The following HOMER2 variants were observed in gnomAD, a reference collection of about 807,000 sequenced individuals.
The protein encoded by HOMER2 is homer protein homolog 2.
HOMER2 carries 27 observed loss-of-function variants against 47.0 expected under a neutral mutation model. The observed-to-expected ratio is 0.57, with a 90% confidence interval of 0.42 to 0.79. The LOEUF (loss-of-function observed/expected upper bound fraction) is 0.79. HOMER2 is among the 30% of genes least tolerant of loss of function. The pLI, the probability that HOMER2 is intolerant of heterozygous loss-of-function variation, is 0.00. For synonymous variants in HOMER2, 161 were observed against 163.8 expected, an observed-to-expected ratio of 0.98 and a Z score of 0.13; for missense variants, 443 against 435.0, an observed-to-expected ratio of 1.02 and a Z score of -0.16.
At chr15:82,897,848 C>G (rs1013634375) in intron 1 of HOMER2, among the ~76,000 whole-genome samples, 15 of 152,314 alleles carry the variant, frequency 9.8e-5, no homozygotes, top group Admixed American at 9.8e-4. Flanking sequence ...GATGAGACTC[C>G]AACCCTGGTC....
chr15:82,933,128 A>T lies in HOMER2; in HGVS notation c.5+19403T>A, dbSNP rs75820438. Among the ~76,000 whole-genome samples, 338 of 140,596 alleles carry T rather than the reference A, an allele frequency of 2.4e-3. 9 individuals are homozygous for T. In the South Asian group the frequency reaches 0.069, roughly 29 times the overall value. 92.2% of individuals were successfully genotyped at this position (140,596 alleles called of 152,430 possible). ...TCAAGGACCCCTTTGAAAATCTGAT[A>T]AAAAAAAAAAAAACTATGGACACCC... On this transcript the variant is annotated intron_variant, in intron 1 of 8. Coordinates refer to ENST00000450735, the MANE Select transcript of HOMER2 (RefSeq NM_004839.4).
At chr15:82,862,077 T>C (rs1186833877) in intron 4 of HOMER2, among the ~76,000 whole-genome samples, 1 of 151,874 alleles carries the variant, frequency 6.6e-6, no homozygotes, top group Non-Finnish European at 1.5e-5. Context: ...TCTCTTTTTT[T>C]TTTTTTAATA....
At chr15:82,906,510 G>A (rs2053290953) in intron 1 of HOMER2, among the ~76,000 whole-genome samples, 1 of 150,504 alleles carries the variant, frequency 6.6e-6, no homozygotes, top group South Asian at 2.1e-4. Context: ...TCGGCTCACT[G>A]CAACCTCCGC....
chr15:82,862,154 C>T (rs2151629815), intron 4 of HOMER2, among the ~76,000 whole-genome samples: 1 of 151,676 alleles, frequency 6.6e-6, no homozygotes, highest in Non-Finnish European at 1.5e-5. Flanking sequence ...CCACTGGCCT[C>T]GGCTTCCCAA....
At chr15:82,869,585 G>A (rs1378437298) in intron 3 of HOMER2, among the ~76,000 whole-genome samples, 1 of 146,528 alleles carries the variant, frequency 6.8e-6, no homozygotes, top group African/African-American at 2.5e-5. Context: ...AGCCTCCCAA[G>A]TAGCTGGGAT....
chr15:82,865,029 A>G (rs1744033708), intron 3 of HOMER2, among the ~76,000 whole-genome samples: 1 of 152,248 alleles, frequency 6.6e-6, no homozygotes, highest in African/African-American at 2.4e-5. Context: ...ATTTCTGAGC[A>G]CAGGCTATCC....
intron 1 of HOMER2, among the ~76,000 whole-genome samples, chr15:82,973,248 T>C (rs1329233954): frequency 6.6e-6 from 1 of 152,196 alleles, no homozygotes; most frequent in Non-Finnish European, 1.5e-5. Context: ...GTCTCAGAAA[T>C]ATGCCTCAAA....
chr15:82,892,916 C>G (rs2052764562), intron 1 of HOMER2, 75 bp from the exon 2 acceptor site: 1 of 1,209,364 alleles, frequency 8.3e-7, no homozygotes, highest in African/African-American at 1.5e-5. Context: ...AGGCCACCTA[C>G]TGCCCCAAAA....
intron 1 of HOMER2, among the ~76,000 whole-genome samples, chr15:82,940,217 TA>T (rs370340619): frequency 6.6e-6 from 1 of 150,584 alleles, no homozygotes; most frequent in Admixed American, 6.6e-5. Context: ...TAAAGTATAA[TA>T]AAAAAAAGAA....
At chr15:82,940,107 T>C (rs1316270755) in intron 1 of HOMER2, among the ~76,000 whole-genome samples, 2 of 152,034 alleles carry the variant, frequency 1.3e-5, no homozygotes, top group Non-Finnish European at 2.9e-5. Flanking sequence ...TTAGGAGATA[T>C]ACCTAATGTA....
rs1353132330 is a variant in HOMER2, at chr15:82,892,710, C to T, written c.137G>A (p.Arg46Gln). 3.1e-6 allele frequency: 5 copies of T among 1,596,996 alleles called. No individual in the cohort carries two copies. The highest frequency in any genetic ancestry group is 2.3e-5 in the South Asian group (2 of 88,784). Residue 46 changes from arginine (R) to glutamine (Q), a missense_variant, in exon 2 of 9, where the codon CGG (arginine) becomes CAG (glutamine). Transcript: ENST00000450735. ...YFYDVTRNSYRIISVDGAKVI... is the reference protein window; with the variant it reads ...YFYDVTRNSYQIISVDGAKVI... ...CTTGGCTCCGTCCACACTGATGATC[C>T]GATAGCTGTTCCTTGTGACATCATA...
At chr15:82,916,799 G>C (rs1270303883) in intron 1 of HOMER2, among the ~76,000 whole-genome samples, 1 of 151,984 alleles carries the variant, frequency 6.6e-6, no homozygotes, top group Non-Finnish European at 1.5e-5. Flanking sequence ...GAAAGAGCCA[G>C]AGCCCTCATT....
chr15:82,911,817 G>T (rs1383818392), intron 1 of HOMER2, among the ~76,000 whole-genome samples: 2 of 152,126 alleles, frequency 1.3e-5, no homozygotes, highest in Admixed American at 1.3e-4. Context: ...CTCACCTGAG[G>T]TCAGGAGTTC....
At chr15:82,871,598 G>A (rs1446560258) in intron 3 of HOMER2, among the ~76,000 whole-genome samples, 1 of 152,182 alleles carries the variant, frequency 6.6e-6, no homozygotes, top group Non-Finnish European at 1.5e-5. Context: ...GGACAAAGGG[G>A]TTATCTGAGG....
upstream of HOMER2, among the ~76,000 whole-genome samples, chr15:82,956,015 A>C (rs920159572): frequency 6.6e-6 from 1 of 152,056 alleles, no homozygotes; most frequent in African/African-American, 2.4e-5. Flanking sequence ...CAAGGCAGGC[A>C]GATCACTTGA....
At chr15:82,850,538 A>T (rs2051359687) in intron 8 of HOMER2, among the ~76,000 whole-genome samples, 1 of 152,252 alleles carries the variant, frequency 6.6e-6, no homozygotes, top group African/African-American at 2.4e-5. Flanking sequence ...GTGAGTCCTT[A>T]AATGAGCCAT....
At chr15:82,847,310 A>G (rs1192980391), downstream of HOMER2, 1 of 152,266 alleles carries the variant, frequency 6.6e-6, no homozygotes, top group Non-Finnish European at 1.5e-5. Context: ...GAAGGAATGG[A>G]AAGTTCAGTG....
At chr15:82,912,369 C>T (rs1347199585) in intron 1 of HOMER2, among the ~76,000 whole-genome samples, 1 of 152,162 alleles carries the variant, frequency 6.6e-6, no homozygotes, top group African/African-American at 2.4e-5. Context: ...CTTTTCTTTT[C>T]AGTGAGCGTA....
chr15:82,878,385 A>T (rs2052418247), intron 2 of HOMER2, among the ~76,000 whole-genome samples: 1 of 152,172 alleles, frequency 6.6e-6, no homozygotes, highest in Non-Finnish European at 1.5e-5. Flanking sequence ...AGGTCAAGGG[A>T]CCTGTTCAAG....
Sources: gnomAD v4.1 joint callset for allele counts (sites outside exome capture counted in the v4.1 genomes callset) on GRCh38, gnomAD v4.1.1 for gene constraint, MANE v1.5 for transcripts, NCBI Gene and HGNC (gene_info 2026-07-23, HGNC 2026-07-21) for gene names.